The following ENTREP2 variants were observed in gnomAD, a reference collection of about 807,000 sequenced individuals.
ENTREP2 encodes the protein protein ENTREP2.
At chr15:29,584,932 T>C in the ENTREP2 span, among the ~76,000 whole-genome samples, 10 of 152,268 alleles carry the variant, frequency 6.6e-5, no homozygotes, top group East Asian at 1.9e-3. Context: ...CTTAAATATA[T>C]ACAATTTTGT....
At chr15:29,120,849 G>A in the ENTREP2 span, 1 of 152,312 alleles carries the variant, frequency 6.6e-6, no homozygotes, top group Admixed American at 6.5e-5. Context: ...TCTTGCTGCT[G>A]GTACCCGGAT....
the ENTREP2 span, among the ~76,000 whole-genome samples, chr15:29,565,823 T>C: frequency 4.0e-5 from 6 of 151,612 alleles, no homozygotes; most frequent in African/African-American, 1.2e-4. Flanking sequence ...TAGCAGGGTG[T>C]GGTGGCGGGC....
the ENTREP2 span, among the ~76,000 whole-genome samples, chr15:29,657,449 G>A: frequency 3.1e-4 from 41 of 132,748 alleles, no homozygotes; most frequent in African/African-American, 7.2e-4. Flanking sequence ...CACAGAAGTG[G>A]ACCCCTGCGA....
chr15:29,295,474 G>C, the ENTREP2 span, among the ~76,000 whole-genome samples: 1 of 152,162 alleles, frequency 6.6e-6, no homozygotes, highest in African/African-American at 2.4e-5. Flanking sequence ...TATCCTTAGG[G>C]GGATACATCC....
chr15:29,171,727 G>A, the ENTREP2 span, among the ~76,000 whole-genome samples: 50 of 152,116 alleles, frequency 3.3e-4, no homozygotes, highest in African/African-American at 8.0e-4. Context: ...AATGATCCAC[G>A]AGCTGTTTTC....
chr15:29,137,749 C>T, the ENTREP2 span, among the ~76,000 whole-genome samples: 102,156 of 152,008 alleles, frequency 0.67, 35,406 homozygotes, highest in African/African-American at 0.83. Context: ...GGCAGGAGAA[C>T]TGCTTGAACC....
At chr15:29,151,844 G>GC in the ENTREP2 span, 4 of 1,549,300 alleles carry the variant, frequency 2.6e-6, no homozygotes, top group Non-Finnish European at 3.5e-6. Context: ...AGGAGATCCT[G>GC]CGAGGAAAGG....
chr15:29,571,127 G>T, the ENTREP2 span, among the ~76,000 whole-genome samples: 2 of 151,568 alleles, frequency 1.3e-5, no homozygotes, highest in African/African-American at 2.4e-5. Flanking sequence ...CGGGAGCCGG[G>T]ACCCGGGAGC....
the ENTREP2 span, among the ~76,000 whole-genome samples, chr15:29,279,370 A>ATTTT: frequency 2.1e-5 from 3 of 144,566 alleles, no homozygotes; most frequent in African/African-American, 7.6e-5. Flanking sequence ...TTTAGTTGGG[A>ATTTT]TTTTTTTTTT....
At chr15:29,453,910 A>C in the ENTREP2 span, among the ~76,000 whole-genome samples, 1 of 152,238 alleles carries the variant, frequency 6.6e-6, no homozygotes, top group Non-Finnish European at 1.5e-5. Flanking sequence ...TTCAAGCTGC[A>C]TCCAATTTTC....
At chr15:29,657,483 C>CGGGGCGGGGCGGGGGG in the ENTREP2 span, among the ~76,000 whole-genome samples, 1 of 69,382 alleles carries the variant, frequency 1.4e-5, no homozygotes, top group Admixed American at 1.7e-4. Flanking sequence ...GCTGGGGGGG[C>CGGGGCGGGGCGGGGGG]GGGGGGGGGG....
the ENTREP2 span, among the ~76,000 whole-genome samples, chr15:29,633,068 G>C: frequency 5.3e-5 from 8 of 152,252 alleles, no homozygotes; most frequent in African/African-American, 1.9e-4. Context: ...AATGAATTGT[G>C]ATTGCTGAAT....
At chr15:29,594,054 AT>A in the ENTREP2 span, among the ~76,000 whole-genome samples, 18 of 152,002 alleles carry the variant, frequency 1.2e-4, no homozygotes, top group South Asian at 6.2e-4. Context: ...CTTCCTGCAC[AT>A]TTTTTTTGCA....
the ENTREP2 span, among the ~76,000 whole-genome samples, chr15:29,271,100 T>C: frequency 6.6e-6 from 1 of 152,234 alleles, no homozygotes. Flanking sequence ...TGTAAAATCA[T>C]ATTCCATGAA....
chr15:29,490,446 C>T, the ENTREP2 span, among the ~76,000 whole-genome samples: 1 of 152,186 alleles, frequency 6.6e-6, no homozygotes, highest in Non-Finnish European at 1.5e-5. Context: ...CTTTTATTCC[C>T]TTGTCTGACC....
chr15:29,451,282 C>T, the ENTREP2 span, among the ~76,000 whole-genome samples: 2 of 151,948 alleles, frequency 1.3e-5, no homozygotes, highest in Non-Finnish European at 1.5e-5. Context: ...GGCCGGCCCT[C>T]GGCCCTCGGC....
the ENTREP2 span, among the ~76,000 whole-genome samples, chr15:29,338,063 C>A: frequency 6.6e-6 from 1 of 152,046 alleles, no homozygotes; most frequent in East Asian, 1.9e-4. Context: ...GTATCTATAT[C>A]ATCATACATG....
chr15:29,662,619 C>T, the ENTREP2 span, among the ~76,000 whole-genome samples: 5,389 of 152,240 alleles, frequency 0.035, 137 homozygotes, highest in South Asian at 0.063. Context: ...ACAGGGCCAC[C>T]TCGCCCAGCA....
the ENTREP2 span, among the ~76,000 whole-genome samples, chr15:29,448,909 G>A: frequency 6.6e-6 from 1 of 152,114 alleles, no homozygotes; most frequent in South Asian, 2.1e-4. Flanking sequence ...CTGGGTCTAG[G>A]AGCCTGATTC....
Sources: gnomAD v4.1 joint callset for allele counts (sites outside exome capture counted in the v4.1 genomes callset) on GRCh38, gnomAD v4.1.1 for gene constraint, MANE v1.5 for transcripts, NCBI Gene and HGNC (gene_info 2026-07-23, HGNC 2026-07-21) for gene names.